PALLD: variants seen among roughly 807,000 people sequenced by gnomAD.
PALLD encodes palladin, cytoskeletal associated protein, also known as palladin.
PALLD carries 61 observed loss-of-function variants against 123.5 expected under a neutral mutation model. That is an observed-to-expected ratio of 0.49 (90% CI 0.40 to 0.61). PALLD has a LOEUF of 0.61. PALLD is among the 20% of genes least tolerant of loss of function. PALLD has a pLI of 0.00. For synonymous variants in PALLD, 465 were observed against 496.4 expected, an observed-to-expected ratio of 0.94 and a Z score of 0.84; for missense variants, 1,273 against 1,377.0, an observed-to-expected ratio of 0.92 and a Z score of 1.20.
At chr4:168,635,271 G>A (rs962253241) in intron 2 of PALLD, among the ~76,000 whole-genome samples, 2 of 152,136 alleles carry the variant, frequency 1.3e-5, no homozygotes, top group African/African-American at 2.4e-5. Flanking sequence ...AAGCATGGTC[G>A]ATCTTTTCCA....
At chr4:168,760,460 T>A (rs540689193) in intron 10 of PALLD, among the ~76,000 whole-genome samples, 1 of 152,234 alleles carries the variant, frequency 6.6e-6, no homozygotes, top group African/African-American at 2.4e-5. Context: ...CCCCCTCAAA[T>A]CTATGAGGTT....
chr4:168,520,758 C>T (rs1763486317), intron 2 of PALLD, among the ~76,000 whole-genome samples: 1 of 152,172 alleles, frequency 6.6e-6, no homozygotes, highest in African/African-American at 2.4e-5. Context: ...CAACCCATAA[C>T]ACCATGATGT....
chr4:168,827,651 C>T (rs959226076), intron 10 of PALLD, among the ~76,000 whole-genome samples: 1 of 152,192 alleles, frequency 6.6e-6, no homozygotes, highest in African/African-American at 2.4e-5. Context: ...TAGTTGGGAG[C>T]CCTTGCAAAG....
At chr4:168,870,873 T>G (rs1436454842) in intron 10 of PALLD, among the ~76,000 whole-genome samples, 1 of 152,198 alleles carries the variant, frequency 6.6e-6, no homozygotes, top group East Asian at 1.9e-4. Context: ...CTAAGAATAC[T>G]CTCTTAGGAA....
intron 10 of PALLD, among the ~76,000 whole-genome samples, chr4:168,806,553 T>C (rs1054966690): frequency 5.1e-4 from 77 of 152,196 alleles, no homozygotes; most frequent in African/African-American, 1.8e-3. Flanking sequence ...TAAACCTCTC[T>C]TCTTCATACA....
At chr4:168,675,064 T>C (rs1429899314) in intron 3 of PALLD, among the ~76,000 whole-genome samples, 1 of 152,228 alleles carries the variant, frequency 6.6e-6, no homozygotes, top group Non-Finnish European at 1.5e-5. Context: ...CATGTAAACA[T>C]GTAAAATAAA....
At chr4:168,914,216 G>C in intron 16 of PALLD, 195 bp downstream of exon 16, 4 of 596,122 alleles carry the variant, frequency 6.7e-6, no homozygotes, top group Non-Finnish European at 1.2e-5. Flanking sequence ...ACAAACATTC[G>C]CTAATGTGTG....
chr4:168,713,481 A>C (rs892532872), intron 10 of PALLD, among the ~76,000 whole-genome samples: 15 of 152,114 alleles, frequency 9.9e-5, no homozygotes, highest in African/African-American at 3.1e-4. Context: ...AAGTCTATCT[A>C]CTCTAATGGG....
At chr4:168,605,476 A>G (rs865781998) in intron 2 of PALLD, among the ~76,000 whole-genome samples, 1 of 152,174 alleles carries the variant, frequency 6.6e-6, no homozygotes, top group Admixed American at 6.5e-5. Flanking sequence ...GCCCCCACCA[A>G]TGACTGCCAT....
intron 10 of PALLD, among the ~76,000 whole-genome samples, chr4:168,885,039 C>CA (rs2151161360): frequency 6.6e-6 from 1 of 152,234 alleles, no homozygotes; most frequent in East Asian, 1.9e-4. Flanking sequence ...TAAAACAAAA[C>CA]AAACAAACAA....
chr4:168,759,539 G>C (rs1345480679), intron 10 of PALLD, among the ~76,000 whole-genome samples: 1 of 151,768 alleles, frequency 6.6e-6, no homozygotes, highest in Non-Finnish European at 1.5e-5. Context: ...AGCCTCAAAG[G>C]ACCCCACCCA....
chr4:168,720,227 C>G (rs941182239), intron 10 of PALLD, among the ~76,000 whole-genome samples: 2 of 152,204 alleles, frequency 1.3e-5, no homozygotes, highest in South Asian at 4.1e-4. Flanking sequence ...CAGCATCATA[C>G]AAATTTTGTA....
intron 2 of PALLD, among the ~76,000 whole-genome samples, chr4:168,561,284 C>T (rs1228697070): frequency 1.3e-5 from 2 of 151,856 alleles, no homozygotes; most frequent in Admixed American, 6.6e-5. Context: ...CTTTTTGAAA[C>T]AGGGCCTCAC....
intron 10 of PALLD, among the ~76,000 whole-genome samples, chr4:168,833,571 G>A (rs534776561): frequency 6.6e-6 from 1 of 152,226 alleles, no homozygotes; most frequent in African/African-American, 2.4e-5. Context: ...GTTAAGGAAT[G>A]GTGTCACCAG....
intron 10 of PALLD, among the ~76,000 whole-genome samples, chr4:168,889,463 C>T (rs1285817537): frequency 3.3e-5 from 5 of 152,080 alleles, no homozygotes; most frequent in Non-Finnish European, 7.4e-5. Flanking sequence ...CACACCCGGC[C>T]TGCAGTCAAC....
chr4:168,901,603 A>G (rs1460058569), intron 14 of PALLD, among the ~76,000 whole-genome samples: 2 of 152,220 alleles, frequency 1.3e-5, no homozygotes, highest in East Asian at 3.8e-4. Context: ...CACACCTGGA[A>G]TCCCAGCACT....
At chr4:168,519,320 T>C (rs1015909278) in intron 2 of PALLD, among the ~76,000 whole-genome samples, 10 of 152,150 alleles carry the variant, frequency 6.6e-5, no homozygotes, top group Non-Finnish European at 1.2e-4. Context: ...ATACTGACTT[T>C]CATGTTAATC....
chr4:168,781,122 AT>A (rs1403607838), intron 10 of PALLD, among the ~76,000 whole-genome samples: 4 of 152,206 alleles, frequency 2.6e-5, no homozygotes, highest in Non-Finnish European at 5.9e-5. Flanking sequence ...CTTTCTTTCA[AT>A]TTTTGTGATG....
intron 10 of PALLD, among the ~76,000 whole-genome samples, chr4:168,767,286 C>G (rs1415740419): frequency 1.3e-5 from 2 of 152,288 alleles, no homozygotes; most frequent in African/African-American, 4.8e-5. Context: ...GTACAGCCAC[C>G]AGGCCCTTAC....
Sources: gnomAD v4.1 joint callset for allele counts (sites outside exome capture counted in the v4.1 genomes callset) on GRCh38, gnomAD v4.1.1 for gene constraint, MANE v1.5 for transcripts, NCBI Gene and HGNC (gene_info 2026-07-23, HGNC 2026-07-21) for gene names.